LRRC4C: variants seen among roughly 807,000 people sequenced by gnomAD.
The protein encoded by LRRC4C is leucine rich repeat containing 4C, also known as leucine-rich repeat-containing protein 4C.
A neutral mutation model predicts 33.6 loss-of-function variants in LRRC4C; 5 were observed. The observed-to-expected ratio is 0.15, with a 90% CI of 0.08 to 0.31. LRRC4C has a LOEUF of 0.31. Ranked by LOEUF, LRRC4C falls within the 10% of genes least tolerant of loss-of-function variation. LRRC4C has a pLI of 1.00. For synonymous variants in LRRC4C, 329 were observed against 302.0 expected (o/e 1.09, Z -0.93); for missense variants, 560 against 796.7 (o/e 0.70, Z 3.58).
Position 41,428,442 on chromosome 11 carries a change from A to AT in LRRC4C, c.-496+30988dup, listed in dbSNP as rs912847833. ...CTGGCCCATATGGACAAAAAAACGT[A>AT]TTTTTTTTGTCATGTAAGTTTCAAA... is the stretch of plus-strand genomic sequence containing the variant. On this transcript the variant is annotated intron_variant, in intron 1 of 6. Coordinates refer to ENST00000528697, the MANE Select transcript of LRRC4C (RefSeq NM_001258419.2). Among the ~76,000 whole-genome samples, 45 of 151,882 alleles carry AT rather than the reference A, an allele frequency of 3.0e-4. No individual in the cohort carries two copies. In the East Asian group the frequency reaches 4.1e-3, roughly 14 times the overall value.
intron 1 of LRRC4C, among the ~76,000 whole-genome samples, chr11:41,299,540 G>A (rs1346229225): frequency 6.6e-6 from 1 of 152,016 alleles, no homozygotes; most frequent in African/African-American, 2.4e-5. Context: ...TCACCAGTTT[G>A]TTTGATCTGT....
intron 2 of LRRC4C, among the ~76,000 whole-genome samples, chr11:40,759,105 A>G (rs1048763735): frequency 1.4e-5 from 2 of 147,366 alleles, no homozygotes; most frequent in Non-Finnish European, 3.0e-5. Flanking sequence ...TATAATATAT[A>G]TAAAAATATC....
chr11:40,139,154 C>T (rs567558431), intron 6 of LRRC4C, among the ~76,000 whole-genome samples: 2 of 152,132 alleles, frequency 1.3e-5, no homozygotes, highest in Admixed American at 6.6e-5. Context: ...AAAAGAGTTT[C>T]GGAGGGTTAA....
intron 2 of LRRC4C, among the ~76,000 whole-genome samples, chr11:40,769,185 G>A (rs1949631277): frequency 6.6e-6 from 1 of 151,978 alleles, no homozygotes; most frequent in Non-Finnish European, 1.5e-5. Context: ...TTTGTCAACA[G>A]ATAACAATCT....
At chr11:40,529,993 C>T (rs988231324) in intron 3 of LRRC4C, among the ~76,000 whole-genome samples, 5 of 152,018 alleles carry the variant, frequency 3.3e-5, no homozygotes, top group Non-Finnish European at 5.9e-5. Context: ...GCTCATTAAT[C>T]AAAACACAGT....
At chr11:41,039,094 TA>T (rs1266560531) in intron 1 of LRRC4C, among the ~76,000 whole-genome samples, 1 of 152,190 alleles carries the variant, frequency 6.6e-6, no homozygotes, top group African/African-American at 2.4e-5. Flanking sequence ...AAATCCTTCT[TA>T]TTTTTTTGTA....
chr11:41,342,113 T>C (rs1422651915), intron 1 of LRRC4C, among the ~76,000 whole-genome samples: 1 of 152,198 alleles, frequency 6.6e-6, no homozygotes. Context: ...CAGTTACTAT[T>C]AATATTAACA....
intron 1 of LRRC4C, among the ~76,000 whole-genome samples, chr11:41,376,416 A>T (rs1387581546): frequency 6.6e-6 from 1 of 152,184 alleles, no homozygotes; most frequent in East Asian, 1.9e-4. Flanking sequence ...CACAAATCTC[A>T]GCTCTACAAA....
At chr11:40,997,049 T>C (rs1418944375) in intron 1 of LRRC4C, among the ~76,000 whole-genome samples, 1 of 152,256 alleles carries the variant, frequency 6.6e-6, no homozygotes. Context: ...TTATGGTATA[T>C]ACATAAGTGA....
intron 1 of LRRC4C, among the ~76,000 whole-genome samples, chr11:41,362,321 G>A (rs1358911482): frequency 1.3e-5 from 2 of 152,112 alleles, no homozygotes; most frequent in Non-Finnish European, 2.9e-5. Flanking sequence ...GGGGGATGGG[G>A]CTTGTGGAGG....
At chr11:41,170,471 C>T (rs1459269799) in intron 1 of LRRC4C, among the ~76,000 whole-genome samples, 1 of 152,172 alleles carries the variant, frequency 6.6e-6, no homozygotes, top group Non-Finnish European at 1.5e-5. Context: ...ACTATTTGAT[C>T]TTTGACAAGC....
intron 2 of LRRC4C, among the ~76,000 whole-genome samples, chr11:40,923,156 A>C (rs1038430630): frequency 6.6e-6 from 1 of 152,154 alleles, no homozygotes; most frequent in Non-Finnish European, 1.5e-5. Context: ...CACTAATTAG[A>C]AAACATTGTT....
chr11:40,318,920 A>T (rs1484648134), intron 4 of LRRC4C, among the ~76,000 whole-genome samples: 5 of 152,192 alleles, frequency 3.3e-5, no homozygotes, highest in Non-Finnish European at 5.9e-5. Context: ...AGGTGGAAAA[A>T]ATTTTGCCTA....
chr11:40,322,288 C>T (rs567623393), intron 3 of LRRC4C, among the ~76,000 whole-genome samples: 1 of 152,136 alleles, frequency 6.6e-6, no homozygotes, highest in South Asian at 2.1e-4. Context: ...CTCTGTCACT[C>T]AGGCTGGAGT....
intron 2 of LRRC4C, among the ~76,000 whole-genome samples, chr11:40,863,079 T>A (rs142908268): frequency 8.8e-4 from 134 of 152,350 alleles, no homozygotes; most frequent in African/African-American, 3.1e-3. Context: ...AGGAGGAAGA[T>A]GGAATTATTA....
At chr11:41,177,076 A>T (rs1205700773) in intron 1 of LRRC4C, among the ~76,000 whole-genome samples, 1 of 152,190 alleles carries the variant, frequency 6.6e-6, no homozygotes, top group Non-Finnish European at 1.5e-5. Flanking sequence ...CCAGGACCTG[A>T]AGAAGGAGAT....
At chr11:40,749,003 AAGAG>A (rs553964758) in intron 2 of LRRC4C, among the ~76,000 whole-genome samples, 10 of 151,578 alleles carry the variant, frequency 6.6e-5, no homozygotes, top group African/African-American at 2.2e-4. Flanking sequence ...ACTACATCTA[AAGAG>A]AGAGAGAGAG....
In LRRC4C at chr11:40,435,147, C is replaced by T. The variant is rs532113414; in HGVS notation, c.-269-115426G>A. Among the ~76,000 whole-genome samples the T allele has an allele frequency of 1.9e-4, 29 of 152,272 alleles. No homozygotes were observed. In the South Asian group the frequency reaches 5.4e-3, roughly 28 times the overall value. On this transcript the variant is annotated intron_variant, in intron 3 of 6. Coordinates refer to ENST00000528697, the MANE Select transcript of LRRC4C (RefSeq NM_001258419.2). ...TATGTTGCAACAAAATGGCCAGCTC[C>T]ATTCATCCAGGCTTTGTTTATGCTT...
intron 1 of LRRC4C, among the ~76,000 whole-genome samples, chr11:41,043,068 CTTTTTTT>C (rs67605827): frequency 0.015 from 1,128 of 75,886 alleles, 11 homozygotes; most frequent in African/African-American, 0.053. Flanking sequence ...CAGAATAGAC[CTTTTTTT>C]TTTTTTTTTT....
Sources: gnomAD v4.1 joint callset for allele counts (sites outside exome capture counted in the v4.1 genomes callset) on GRCh38, gnomAD v4.1.1 for gene constraint, MANE v1.5 for transcripts, NCBI Gene and HGNC (gene_info 2026-07-23, HGNC 2026-07-21) for gene names.